The following APBA2 variants were observed in gnomAD, a reference collection of about 807,000 sequenced individuals.
APBA2 encodes the protein amyloid-beta A4 precursor protein-binding family A member 2.
Under a neutral mutation model 75.0 loss-of-function variants are expected in APBA2, and 30 were observed. The ratio of observed to expected loss-of-function variants is 0.40; its 90% CI spans 0.30 to 0.54. The LOEUF is 0.54. Ranked by LOEUF, APBA2 falls within the 20% of genes least tolerant of loss-of-function variation. The pLI, the probability that APBA2 is intolerant of heterozygous loss-of-function variation, is 0.49. For synonymous variants in APBA2, 444 were observed against 409.6 expected, an observed-to-expected ratio of 1.08 and a Z score of -1.01; for missense variants, 801 against 1,016.1, an observed-to-expected ratio of 0.79 and a Z score of 2.88.
intron 1 of APBA2, among the ~76,000 whole-genome samples, chr15:28,899,755 C>T (rs1335409967): frequency 6.6e-6 from 1 of 151,930 alleles, no homozygotes; most frequent in Non-Finnish European, 1.5e-5. Flanking sequence ...TGTAGATATG[C>T]AGAATGAGCA....
chr15:28,951,120 A>G (rs547292685), intron 2 of APBA2, among the ~76,000 whole-genome samples: 1 of 152,346 alleles, frequency 6.6e-6, no homozygotes, highest in African/African-American at 2.4e-5. Flanking sequence ...TTGTCTTGTC[A>G]TCATTCCTTA....
At chr15:29,091,883 C>T (rs1163581134) in intron 6 of APBA2, among the ~76,000 whole-genome samples, 1 of 152,088 alleles carries the variant, frequency 6.6e-6, no homozygotes, top group African/African-American at 2.4e-5. Flanking sequence ...GCTGGAGGGA[C>T]TCAGGGAGGG....
chr15:29,112,841 C>T (rs896589434), intron 13 of APBA2, among the ~76,000 whole-genome samples: 1 of 152,118 alleles, frequency 6.6e-6, no homozygotes, highest in Admixed American at 6.6e-5. Flanking sequence ...ACTTTGTCCC[C>T]ACTAAGCACC....
At chr15:29,104,548 G>A (rs1019138932) in intron 10 of APBA2, among the ~76,000 whole-genome samples, 1 of 152,246 alleles carries the variant, frequency 6.6e-6, no homozygotes, top group Non-Finnish European at 1.5e-5. Flanking sequence ...AAGCAGCTCA[G>A]CGGAAGTAGA....
chr15:29,008,661 A>G (rs1460115215), intron 3 of APBA2, among the ~76,000 whole-genome samples: 1 of 152,180 alleles, frequency 6.6e-6, no homozygotes, highest in East Asian at 1.9e-4. Flanking sequence ...GTGAGCTGTG[A>G]TCATATCACT....
intron 3 of APBA2, among the ~76,000 whole-genome samples, chr15:29,048,156 G>A (rs1417027618): frequency 2.6e-5 from 4 of 152,092 alleles, no homozygotes; most frequent in African/African-American, 4.8e-5. Flanking sequence ...ACACCAACCC[G>A]GCCAACATGG....
intron 1 of APBA2, among the ~76,000 whole-genome samples, chr15:28,905,803 A>G (rs1239418157): frequency 6.6e-6 from 1 of 152,236 alleles, no homozygotes; most frequent in Non-Finnish European, 1.5e-5. Context: ...CCCTGGCTCC[A>G]TCAATGGGGG....
chr15:28,998,047 G>A (rs1206799718), intron 3 of APBA2, among the ~76,000 whole-genome samples: 2 of 152,086 alleles, frequency 1.3e-5, no homozygotes, highest in African/African-American at 2.4e-5. Flanking sequence ...AGAAAGGGCC[G>A]GGGTTTATTT....
At chr15:29,097,704 A>G (rs1488532199) in intron 8 of APBA2, among the ~76,000 whole-genome samples, 1 of 152,180 alleles carries the variant, frequency 6.6e-6, no homozygotes, top group African/African-American at 2.4e-5. Flanking sequence ...AATTTTTAAG[A>G]ATATGAAATA....
intron 3 of APBA2, among the ~76,000 whole-genome samples, chr15:29,026,787 G>A (rs1595763152): frequency 6.6e-6 from 1 of 152,054 alleles, no homozygotes; most frequent in East Asian, 1.9e-4. Flanking sequence ...TGGGCATGGT[G>A]TTGGGCGCCC....
rs1243950158 is a variant in APBA2 at position 29,093,110 on chromosome 15, G to A, written c.1105G>A (p.Gly369Arg). The change falls in exon 7 of 15, where the codon GGG becomes AGG. Residue 369 changes from glycine (G) to arginine (R), a missense_variant. This residue lies in a region of APBA2 where 367 missense variants were observed against 544.5 expected (regional missense o/e 0.67). Transcript: ENST00000683413. ...GPCEPEDLID[G>R]IIFAANYLGS... ...CTGCGAACCAGAAGACCTCATCGAC[G>A]GGATCATCTTTGCTGCCAATTACCT... 1 of 1,614,210 alleles carries A rather than the reference G, an allele frequency of 6.2e-7. No homozygotes were observed.
chr15:29,062,865 C>T (rs1233692366), intron 4 of APBA2, among the ~76,000 whole-genome samples: 1 of 152,048 alleles, frequency 6.6e-6, no homozygotes, highest in East Asian at 1.9e-4. Flanking sequence ...TCTGGATGGG[C>T]CACCTGTGCC....
intron 2 of APBA2, among the ~76,000 whole-genome samples, 183 bp downstream of exon 2, chr15:28,921,932 A>G (rs774159128): frequency 1.2e-4 from 18 of 152,218 alleles, no homozygotes; most frequent in Non-Finnish European, 2.9e-5. Context: ...CAAACTTCAC[A>G]TACGCTTACA....
intron 1 of APBA2, among the ~76,000 whole-genome samples, chr15:28,916,873 A>G (rs1203420268): frequency 6.6e-6 from 1 of 152,354 alleles, no homozygotes; most frequent in Admixed American, 6.5e-5. Flanking sequence ...GAAAATCTTC[A>G]GACATCATTT....
At chr15:28,903,932 G>A (rs558039434) in intron 1 of APBA2, among the ~76,000 whole-genome samples, 2 of 152,230 alleles carry the variant, frequency 1.3e-5, no homozygotes, top group South Asian at 2.1e-4. Flanking sequence ...TGATTCCTAC[G>A]GGTCTTACCA....
chr15:29,092,083 C>T (rs2043601389), intron 6 of APBA2, among the ~76,000 whole-genome samples: 1 of 152,218 alleles, frequency 6.6e-6, no homozygotes, highest in South Asian at 2.1e-4. Context: ...CGCAAATCCT[C>T]CTGGCCCCCT....
chr15:29,098,740 A>G (rs921308410), intron 9 of APBA2, among the ~76,000 whole-genome samples, 164 bp downstream of exon 9: 5 of 152,218 alleles, frequency 3.3e-5, no homozygotes, highest in Admixed American at 1.3e-4. Flanking sequence ...AGGAGCGCAC[A>G]GCAGGTAGCA....
intron 2 of APBA2, among the ~76,000 whole-genome samples, chr15:28,950,349 C>T (rs2035789390): frequency 1.3e-5 from 2 of 151,874 alleles, no homozygotes; most frequent in Non-Finnish European, 2.9e-5. Flanking sequence ...CCACCTTCAG[C>T]GGGGTGCGGT....
At chr15:29,029,519 T>C (rs2040384212) in intron 3 of APBA2, among the ~76,000 whole-genome samples, 1 of 152,240 alleles carries the variant, frequency 6.6e-6, no homozygotes, top group Non-Finnish European at 1.5e-5. Context: ...TATTTTGTTT[T>C]GTTTTTGTTC....
Sources: gnomAD v4.1 joint callset for allele counts (sites outside exome capture counted in the v4.1 genomes callset) on GRCh38, gnomAD v4.1.1 for gene constraint, gnomAD v4.1.1 regional missense constraint, MANE v1.5 for transcripts, NCBI Gene and HGNC (gene_info 2026-07-23, HGNC 2026-07-21) for gene names.